Variants in KIDINS220 observed in about 807,000 individuals in gnomAD.
The protein encoded by KIDINS220 is kinase D interacting substrate 220.
In KIDINS220, 63 loss-of-function variants were observed where a neutral mutation model predicts 157.6. The ratio of observed to expected loss-of-function variants is 0.40; its 90% CI spans 0.33 to 0.49. KIDINS220 has a LOEUF of 0.49. Among genes scored for constraint, KIDINS220 ranks in the 20% least tolerant of loss-of-function variants. The probability of loss-of-function intolerance (pLI) is 0.66; values close to 1 mark genes in which losing one functional copy is unlikely to be tolerated. For missense variants in KIDINS220, 1,772 were observed against 2,171.2 expected, an observed-to-expected ratio of 0.82 and a Z score of 3.65; for synonymous variants, 732 against 783.6, an observed-to-expected ratio of 0.93 and a Z score of 1.10.
At position 8,749,428 on chromosome 2, in the gene KIDINS220, G is replaced by A. The variant is rs1398279562; in HGVS notation, c.3414+684C>T. ...AGGTTCATGCTCCATTTTCCTACAGGAAATATTAGTGTTTGAGGTCATTAA... is the reference window on the plus strand; with the variant it reads ...AGGTTCATGCTCCATTTTCCTACAGAAAATATTAGTGTTTGAGGTCATTAA... On this transcript the variant is annotated intron_variant, in intron 24 of 29. Coordinates refer to ENST00000256707, the MANE Select transcript of KIDINS220 (RefSeq NM_020738.4). 26 of 456,024 alleles carry A rather than the reference G, an allele frequency of 5.7e-5. 1 individual carries two copies. Among genetic ancestry groups the A allele is most frequent in the African/African-American group, 4.6e-4 (23 of 50,124 alleles). The allele number at this position is 456,024 out of a possible 1,614,324, so 28.2% of individuals were successfully genotyped here. A position where few individuals can be genotyped will look rare whatever the true frequency, so the allele number is the denominator to read the frequency against.
chr2:8,740,098 A>G (rs1378097268), intron 26 of KIDINS220: 1 of 816,180 alleles, frequency 1.2e-6, no homozygotes, highest in Non-Finnish European at 1.5e-6. Flanking sequence ...GTTGCCAATG[A>G]TTGCTTCTAG....
At position 8,747,176 on chromosome 2, in the gene KIDINS220, T is replaced by C. The variant is rs1214983909; in HGVS notation, c.3554A>G (p.Glu1185Gly). 1 of 1,614,078 alleles carries C rather than the reference T, an allele frequency of 6.2e-7. No homozygotes were observed. Among genetic ancestry groups the C allele is most frequent in the South Asian group, 1.1e-5 (1 of 91,084 alleles). The change falls in exon 26 of 30, where the codon GAG (glutamate) becomes GGG (glycine). Residue 1185 changes from glutamate (E) to glycine (G), a missense_variant. This residue lies in a region of KIDINS220 where 793 missense variants were observed against 885.5 expected (regional missense o/e 0.90). Transcript: ENST00000256707. ...GGAGTCTGTGGGTGAAGAAAGCCCC[T>C]CAGCAGCATCCTCCTTGATAACTTC... Reference protein sequence around the residue: ...GLEVIKEDAAEGLSSPTDSSR... With the variant: ...GLEVIKEDAAGGLSSPTDSSR...
intron 11 of KIDINS220, among the ~76,000 whole-genome samples, chr2:8,796,412 C>T (rs910848551): frequency 6.6e-6 from 1 of 152,148 alleles, no homozygotes; most frequent in African/African-American, 2.4e-5. Flanking sequence ...TGAACATTAA[C>T]ACCGTCTGCT....
intron 6 of KIDINS220, among the ~76,000 whole-genome samples, chr2:8,810,750 C>T (rs1387185070): frequency 6.6e-6 from 1 of 152,056 alleles, no homozygotes; most frequent in Non-Finnish European, 1.5e-5. Context: ...CATGCCACTG[C>T]ACTCCAGCCT....
rs1477390461 is a variant in KIDINS220 at position 8,802,948 on chromosome 2, A to G, written c.783T>C (p.Tyr261=). The change falls in exon 8 of 30, where the codon TAT becomes TAC. Residue 261 remains tyrosine, a synonymous_variant. Coordinates refer to ENST00000256707, the MANE Select transcript of KIDINS220 (RefSeq NM_020738.4). ...IVQDLLDAGT[Y]VNIPDRSGDT... ...GACCTACCCTGTCAGGTATGTTCAC[A>G]TATGTTCCAGCGTCGAGCAGATCCT... The G allele has an allele frequency of 1.9e-6, 3 of 1,613,856 alleles. No individual in the cohort carries two copies. The highest frequency in any genetic ancestry group is 2.2e-5 in the East Asian group (1 of 44,878).
chr2:8,797,748 C>T (rs534657756), intron 10 of KIDINS220, among the ~76,000 whole-genome samples: 29 of 152,298 alleles, frequency 1.9e-4, no homozygotes, highest in Middle Eastern at 3.4e-3. Flanking sequence ...TTATTTTTTA[C>T]ACAATTTGAG....
chr2:8,737,736 T>C (rs1014331020), intron 26 of KIDINS220, among the ~76,000 whole-genome samples: 3 of 152,238 alleles, frequency 2.0e-5, no homozygotes, highest in African/African-American at 7.2e-5. Flanking sequence ...CCGTGGTCAA[T>C]GATAAATGCA....
In KIDINS220 at chr2:8,730,547, T is replaced by C; in HGVS notation, c.*173A>G. On this transcript the variant is annotated 3_prime_UTR_variant, in exon 30 of 30. Transcript: ENST00000256707. ...ACCACAGAGGCTGGCTGGTGAGCCA[T>C]GCTTCTCATGCTCCCTTCTGTCACA... 2 of 1,429,888 alleles carry C rather than the reference T, an allele frequency of 1.4e-6. No individual in the cohort carries two copies. Among genetic ancestry groups the C allele is most frequent in the Non-Finnish European group, 9.1e-7 (1 of 1,099,376 alleles). 88.6% of individuals were successfully genotyped at this position (1,429,888 alleles called of 1,614,324 possible).
At chr2:8,727,036 T>A (rs1161407564), downstream of KIDINS220, 3 of 1,033,136 alleles carry the variant, frequency 2.9e-6, no homozygotes, top group African/African-American at 5.0e-5. Context: ...GATAAGCCAT[T>A]AAAAAAACTA....
chr2:8,799,056 C>T (rs1315605554), intron 9 of KIDINS220, among the ~76,000 whole-genome samples: 3 of 152,182 alleles, frequency 2.0e-5, no homozygotes, highest in Admixed American at 6.5e-5. Flanking sequence ...AAAATGTACA[C>T]TAGCTGCCCA....
rs563606496 is a variant in KIDINS220 at position 8,738,685 on chromosome 2, A to G, written c.3586-1686T>C. On this transcript the variant is annotated intron_variant, in intron 26 of 29. Transcript: ENST00000256707. ...AAAGTGTTAATTAAGGTCATGAAAG[A>G]TAAGGAAAGACCAAGAAACTGTCAC... 4.1e-4 allele frequency among the ~76,000 whole-genome samples: 62 copies of G among 152,364 alleles called. 1 individual carries two copies. The South Asian group carries it at 0.012, about 31-fold the overall frequency.
chr2:8,837,384 C>T (rs1680586357), intron 1 of KIDINS220, 96 bp downstream of exon 1: 1 of 152,430 alleles, frequency 6.6e-6, no homozygotes, highest in Admixed American at 6.5e-5. Flanking sequence ...GTCCCACCTC[C>T]CCGCCCGACT....
chr2:8,754,961 T>C (rs1667827297), intron 22 of KIDINS220, among the ~76,000 whole-genome samples: 1 of 152,206 alleles, frequency 6.6e-6, no homozygotes, highest in Non-Finnish European at 1.5e-5. Flanking sequence ...TTGAAACAAA[T>C]TTAACTTCTA....
intron 1 of KIDINS220, among the ~76,000 whole-genome samples, chr2:8,830,708 C>T (rs902191555): frequency 2.0e-5 from 3 of 152,108 alleles, no homozygotes; most frequent in Non-Finnish European, 2.9e-5. Flanking sequence ...TGTGAGCCAC[C>T]GCACCTGGCC....
intron 22 of KIDINS220, 109 bp downstream of exon 22, chr2:8,770,561 G>T (rs1211307529): frequency 1.8e-6 from 1 of 570,500 alleles, no homozygotes; most frequent in African/African-American, 1.9e-5. Context: ...AAATCCAGGA[G>T]TATACATTTT....
chr2:8,798,859 C>CA (rs908794535), intron 9 of KIDINS220, among the ~76,000 whole-genome samples: 3 of 151,966 alleles, frequency 2.0e-5, no homozygotes, highest in Non-Finnish European at 2.9e-5. Flanking sequence ...TAGAGAACAA[C>CA]AAAAAAACGA....
intron 27 of KIDINS220, among the ~76,000 whole-genome samples, chr2:8,735,256 G>T (rs1245673355): frequency 6.6e-6 from 1 of 152,194 alleles, no homozygotes; most frequent in Non-Finnish European, 1.5e-5. Flanking sequence ...ACAAGGCCCG[G>T]CGCGGTGGCT....
At chr2:8,742,478 C>T (rs747897063) in intron 26 of KIDINS220, among the ~76,000 whole-genome samples, 38 of 152,310 alleles carry the variant, frequency 2.5e-4, no homozygotes, top group Non-Finnish European at 4.4e-4. Context: ...TTAATATCTT[C>T]ATTCAATAGT....
intron 4 of KIDINS220, among the ~76,000 whole-genome samples, chr2:8,815,797 C>CTTTA (rs1230931782): frequency 6.6e-6 from 1 of 152,194 alleles, no homozygotes; most frequent in Non-Finnish European, 1.5e-5. Context: ...TATAGTGTAG[C>CTTTA]TTTATATTTC....
Sources: allele counts gnomAD v4.1 joint callset (sites outside exome capture counted in the v4.1 genomes callset), GRCh38; gene constraint gnomAD v4.1.1; regional missense constraint gnomAD v4.1.1; transcripts MANE v1.5; gene names NCBI Gene and HGNC (gene_info 2026-07-23, HGNC 2026-07-21).